KLHL42: variants seen among roughly 807,000 people sequenced by gnomAD.
The protein encoded by KLHL42 is kelch-like protein 42.
A neutral mutation model predicts 32.7 loss-of-function variants in KLHL42; 27 were observed. The observed-to-expected ratio is 0.83, with a 90% confidence interval of 0.61 to 1.14. The LOEUF is 1.14. Ranked by LOEUF, KLHL42 falls within the 50% of genes most tolerant of loss-of-function variation. KLHL42 has a pLI of 0.00. For synonymous variants in KLHL42, 267 were observed against 248.2 expected (o/e 1.08, Z -0.71); for missense variants, 491 against 560.8 (o/e 0.88, Z 1.26).
intron 1 of KLHL42, among the ~76,000 whole-genome samples, chr12:27,784,009 C>T (rs945771309): frequency 3.3e-5 from 5 of 152,116 alleles, no homozygotes; most frequent in Non-Finnish European, 7.3e-5. Context: ...TCAATAAGCA[C>T]TGCCATTGAA....
intron 1 of KLHL42, among the ~76,000 whole-genome samples, chr12:27,791,357 G>A (rs1306528004): frequency 1.3e-5 from 2 of 152,204 alleles, no homozygotes; most frequent in East Asian, 1.9e-4. Context: ...TGATGTGGGT[G>A]CCTTCCCCTC....
rs781019252 is a variant in KLHL42, at chr12:27,780,286, C to T, written c.-45C>T. 1.1e-5 allele frequency: 16 copies of T among 1,494,712 alleles called. No individual in the cohort carries two copies. Among genetic ancestry groups the T allele is most frequent in the South Asian group, 2.6e-5 (2 of 78,048 alleles). The allele number at this position is 1,494,712 out of a possible 1,614,324, so 92.6% of individuals were successfully genotyped here. ...GCGCGCGTAGGGGCTGGGAGGCCGG[C>T]GCGCAGATCTGGCGGTGAGCGCTGC... On this transcript the variant is annotated 5_prime_UTR_variant, in exon 1 of 3. Transcript: ENST00000381271. This position sits in a 1 kb window ranked among gnomAD's most constrained non-coding sequence, Gnocchi z 8.8.
intron 2 of KLHL42, among the ~76,000 whole-genome samples, chr12:27,794,912 G>GA (rs571406816): frequency 0.014 from 1,806 of 133,048 alleles, 34 homozygotes; most frequent in African/African-American, 0.042. Context: ...ACATATAATT[G>GA]AAAAAAAAAA....
Position 27,781,054 on chromosome 12 carries a change from A to G in KLHL42, c.724A>G (p.Asn242Asp). The change falls in exon 1 of 3, where the codon AAT (asparagine) becomes GAT (aspartate). Residue 242 changes from asparagine to aspartate, a missense_variant. This residue lies in a region of KLHL42 where 248 missense variants were observed against 329.2 expected (regional missense o/e 0.75). Transcript: ENST00000381271. ...LANNLPPDLV[N>D]VRGYGSAILD... ...CAACAACCTTCCTCCCGACCTGGTC[A>G]ATGTCAGGGGCTATGGGTCTGCCAT... 1 of 1,614,026 alleles carries G rather than the reference A, an allele frequency of 6.2e-7. No homozygotes were observed.
At chr12:27,794,611 C>G (rs2062211116) in intron 2 of KLHL42, among the ~76,000 whole-genome samples, 1 of 152,190 alleles carries the variant, frequency 6.6e-6, no homozygotes, top group Non-Finnish European at 1.5e-5. Context: ...CCACCTCTGC[C>G]TCCCAAAGTG....
intron 2 of KLHL42, among the ~76,000 whole-genome samples, chr12:27,794,495 T>C (rs970452886): frequency 3.9e-5 from 6 of 152,222 alleles, no homozygotes; most frequent in East Asian, 1.9e-4. Context: ...CCCCTTTCTT[T>C]TTCTTTTTTC....
chr12:27,781,236 A>C (rs998851175), intron 1 of KLHL42, 34 bp downstream of exon 1: 87 of 1,606,704 alleles, frequency 5.4e-5, no homozygotes, highest in Non-Finnish European at 7.0e-5. Flanking sequence ...CTGCCTTCTC[A>C]TTCATTCACT....
At position 27,780,320 on chromosome 12, in the gene KLHL42, G is replaced by C; in HGVS notation, c.-11G>C. On this transcript the variant is annotated 5_prime_UTR_variant, in exon 1 of 3. Coordinates refer to ENST00000381271, the MANE Select transcript of KLHL42 (RefSeq NM_020782.2). This position sits in a 1 kb window ranked among gnomAD's most constrained non-coding sequence, Gnocchi z 8.8. ...CTGGCGGTGAGCGCTGCCGCCCCGG[G>C]GCCCCCAGCCATGTCGGCCGAGGAG... 1 of 1,551,154 alleles carries C rather than the reference G, an allele frequency of 6.4e-7. No individual in the cohort carries two copies. The highest frequency in any genetic ancestry group is 1.9e-5 in the Admixed American group (1 of 52,872).
chr12:27,793,547 TAA>T (rs1294299950), intron 2 of KLHL42, among the ~76,000 whole-genome samples: 11 of 108,830 alleles, frequency 1.0e-4, no homozygotes, highest in South Asian at 2.8e-4. Context: ...GTCTCTAAAA[TAA>T]AAAAAAAAAA....
rs911977384 is a variant in KLHL42, at chr12:27,798,641, T to C, written c.*475T>C. ...TTCATTCTCTCTTCTCCATCACCCA[T>C]ACCCACACATACATCTAGTATGTTT... On this transcript the variant is annotated 3_prime_UTR_variant, in exon 3 of 3. Transcript: ENST00000381271. 6.3e-6 allele frequency: 1 copy of C among 158,302 alleles called. No homozygotes were observed. The highest frequency in any genetic ancestry group is 1.8e-4 in the East Asian group (1 of 5,474). The allele number at this position is 158,302 out of a possible 1,614,324, so 9.8% of individuals were successfully genotyped here.
intron 2 of KLHL42, chr12:27,792,155 CT>C (rs1363804235): frequency 1.4e-3 from 381 of 263,518 alleles, no homozygotes; most frequent in Middle Eastern, 3.3e-3. Flanking sequence ...AATGTTATCT[CT>C]TTTTTTTTGC....
In KLHL42 at chr12:27,793,133, T is replaced by C. The variant is rs184257425; in HGVS notation, c.1066+1232T>C. ...GAGAACAATGTAGTTGTTGGTGGGA[T>C]ACAGTGGCTCATGACTGTAATCCAG... On this transcript the variant is annotated intron_variant, in intron 2 of 2. Transcript: ENST00000381271. Among the ~76,000 whole-genome samples the C allele has an allele frequency of 2.0e-5, 3 of 152,276 alleles. No homozygotes were observed. In the East Asian group the frequency reaches 5.8e-4, roughly 29 times the overall value.
rs561833294 is a variant in KLHL42 at position 27,800,476 on chromosome 12, C to A, written c.*2310C>A. ...GGAAAGGTGGAATGTGCAATAGGAA[C>A]AGATCTGTGCATTTTGTGACATCGT... On this transcript the variant is annotated 3_prime_UTR_variant, in exon 3 of 3. Coordinates refer to ENST00000381271, the MANE Select transcript of KLHL42 (RefSeq NM_020782.2). 1.7e-5 allele frequency: 10 copies of A among 581,500 alleles called. No individual in the cohort carries two copies. The highest frequency in any genetic ancestry group is 1.7e-5 in the Non-Finnish European group (8 of 461,198). The allele number at this position is 581,500 out of a possible 1,614,324, so 36.0% of individuals were successfully genotyped here.
At chr12:27,792,398 A>G (rs938026012) in intron 2 of KLHL42, among the ~76,000 whole-genome samples, 2 of 152,348 alleles carry the variant, frequency 1.3e-5, no homozygotes, top group Middle Eastern at 3.4e-3. Flanking sequence ...CACATCAGGT[A>G]GAGGTTCCAG....
chr12:27,789,580 GT>G (rs1167937194), intron 1 of KLHL42, among the ~76,000 whole-genome samples: 2 of 152,156 alleles, frequency 1.3e-5, no homozygotes, highest in Non-Finnish European at 2.9e-5. Context: ...ACTAAAAACT[GT>G]TTTGATCTTA....
intron 1 of KLHL42, among the ~76,000 whole-genome samples, chr12:27,790,254 T>C (rs1332655798): frequency 6.6e-6 from 1 of 152,250 alleles, no homozygotes; most frequent in Non-Finnish European, 1.5e-5. Flanking sequence ...CTCTGTGTAG[T>C]AGTTTCTGAT....
At position 27,780,956 on chromosome 12, in the gene KLHL42, C is replaced by T; in HGVS notation, c.626C>T (p.Pro209Leu). 6.2e-7 allele frequency: 1 copy of T among 1,601,024 alleles called. No individual in the cohort carries two copies. Among genetic ancestry groups the T allele is most frequent in the East Asian group, 2.2e-5 (1 of 44,584 alleles). ...LGDFLGGPLA[P>L]HPYQGEPPSM... is the part of the protein sequence containing the mutation. The stretch of plus-strand genomic sequence containing the variant: ...GACTTCCTGGGGGGACCCCTGGCCC[C>T]TCACCCCTACCAGGGGGAGCCCCCG... Residue 209 changes from proline to leucine, a missense_variant, in exon 1 of 3, where the codon CCT becomes CTT. By Grantham distance (98) the Pro-to-Leu change is moderately conservative (BLOSUM62 -3). Coordinates refer to ENST00000381271, the MANE Select transcript of KLHL42 (RefSeq NM_020782.2). The surrounding 1 kb of genome is among the most constrained non-coding windows in gnomAD (Gnocchi z 8.8).
chr12:27,793,975 T>A (rs902703823), intron 2 of KLHL42, among the ~76,000 whole-genome samples: 1 of 152,192 alleles, frequency 6.6e-6, no homozygotes, highest in Non-Finnish European at 1.5e-5. Context: ...TGACAGAAAT[T>A]CCTTCCACCA....
At position 27,780,938 on chromosome 12, in the gene KLHL42, T is replaced by TG. The variant is rs1252319728; in HGVS notation, c.614dup (p.Pro206ThrfsTer22). The TG allele has an allele frequency of 6.2e-7, 1 of 1,604,094 alleles. No individual in the cohort carries two copies. Among genetic ancestry groups the TG allele is most frequent in the South Asian group, 1.1e-5 (1 of 90,622 alleles). On this transcript the variant is annotated frameshift_variant, in exon 1 of 3. Coordinates refer to ENST00000381271, the MANE Select transcript of KLHL42 (RefSeq NM_020782.2). LOFTEE classifies it high-confidence loss of function. This position sits in a 1 kb window ranked among gnomAD's most constrained non-coding sequence, Gnocchi z 8.8. ...GTCCTCGTGGCCCTCGGGGACTTCC[T>TG]GGGGGGACCCCTGGCCCCTCACCCC...
Sources: allele counts gnomAD v4.1 joint callset (sites outside exome capture counted in the v4.1 genomes callset), GRCh38; gene constraint gnomAD v4.1.1; regional missense constraint gnomAD v4.1.1; non-coding constraint Gnocchi (gnomAD v3.1); transcripts MANE v1.5; gene names NCBI Gene and HGNC (gene_info 2026-07-23, HGNC 2026-07-21).